CASD1: variants seen among roughly 807,000 people sequenced by gnomAD.
CASD1 encodes CAS1 domain sialic acid O acetyltransferase 1, also known as N-acetylneuraminate (7)9-O-acetyltransferase.
Under a neutral mutation model 100.0 loss-of-function variants are expected in CASD1, and 41 were observed. The ratio of observed to expected loss-of-function variants is 0.41; its 90% CI spans 0.32 to 0.53. The LOEUF (loss-of-function observed/expected upper bound fraction) is 0.53, where lower values mean the gene tolerates loss of function less well. Among genes scored for constraint, CASD1 ranks in the 20% least tolerant of loss-of-function variants. The pLI is 0.25. For synonymous variants in CASD1, 321 were observed against 315.6 expected (o/e 1.02, Z -0.18); for missense variants, 774 against 948.7 (o/e 0.82, Z 2.42).
chr7:94,545,761 T>C (rs3793325), intron 12 of CASD1, 60 bp downstream of exon 12: 658,866 of 1,128,768 alleles, frequency 0.58, 194,592 homozygotes, highest in East Asian at 0.73. Flanking sequence ...GAAATTTCTT[T>C]GTAGTTGCTA....
Position 94,554,585 on chromosome 7 carries a change from T to C in CASD1, c.2127+10T>C. The C allele has an allele frequency of 6.4e-7, 1 of 1,573,674 alleles. No homozygotes were observed. Among genetic ancestry groups the C allele is most frequent in the African/African-American group, 1.3e-5 (1 of 74,124 alleles). ...AAAAATTTCATTAGAGGTTGGTACA[T>C]TAATATTTTGCTTATCTTACACAGC... On this transcript the variant is annotated intron_variant, in intron 17 of 17. Coordinates refer to ENST00000297273, the MANE Select transcript of CASD1 (RefSeq NM_022900.5).
At chr7:94,586,984 A>G in the CASD1 span, 1 of 984,492 alleles carries the variant, frequency 1.0e-6, no homozygotes. Flanking sequence ...TATGATCCAA[A>G]TTGCAGAAAA....
the CASD1 span, chr7:94,590,791 TAAG>T: frequency 6.6e-6 from 1 of 152,204 alleles, no homozygotes; most frequent in Non-Finnish European, 1.5e-5. Flanking sequence ...ACAGCAATTC[TAAG>T]AAATCTGTAA....
chr7:94,533,156 A>G, intron 5 of CASD1, 49 bp from the exon 6 acceptor site: 1 of 1,327,662 alleles, frequency 7.5e-7, no homozygotes, highest in Non-Finnish European at 1.1e-6. Flanking sequence ...ACTTGTAGTA[A>G]TTCCCTGAAC....
chr7:94,545,584 A>G lies in CASD1; in HGVS notation c.1516A>G (p.Ile506Val), dbSNP rs1347101676. ...CAATTTCCTGGTAGTGGTGTTATGT[A>G]TAGTAATGGATCGACCTTATCAATT... ...RLNFLVVVLC[I>V]VMDRPYQFYY... The change falls in exon 12 of 18, where the codon ATA becomes GTA. Residue 506 changes from isoleucine to valine, a missense_variant. This residue lies in a region of CASD1 where 453 missense variants were observed against 532.6 expected (regional missense o/e 0.85). Coordinates refer to ENST00000297273, the MANE Select transcript of CASD1 (RefSeq NM_022900.5). The G allele has an allele frequency of 2.5e-6, 4 of 1,609,318 alleles. No homozygotes were observed. The Admixed American group carries it at 5.0e-5, about 20-fold the overall frequency.
intron 9 of CASD1, 29 bp from the exon 10 acceptor site, chr7:94,538,938 T>A: frequency 2.5e-6 from 3 of 1,220,100 alleles, no homozygotes; most frequent in Non-Finnish European, 3.5e-6. Context: ...ATGATAAATT[T>A]TAAAACAGAT....
At chr7:94,606,640 C>T in the CASD1 span, among the ~76,000 whole-genome samples, 1 of 152,154 alleles carries the variant, frequency 6.6e-6, no homozygotes, top group Non-Finnish European at 1.5e-5. Context: ...TTAATAGACA[C>T]TTAGAGACTA....
the CASD1 span, chr7:94,629,761 T>C: frequency 6.2e-7 from 1 of 1,611,508 alleles, no homozygotes; most frequent in Non-Finnish European, 8.5e-7. Context: ...AAATATTCTC[T>C]TTCCAAAACA....
intron 8 of CASD1, among the ~76,000 whole-genome samples, chr7:94,536,465 C>T (rs1450898507): frequency 2.0e-5 from 3 of 152,102 alleles, no homozygotes; most frequent in Admixed American, 2.0e-4. Context: ...GTTGCATAAG[C>T]CCTTTGAGTA....
intron 3 of CASD1, among the ~76,000 whole-genome samples, chr7:94,525,181 G>A (rs1310892728): frequency 6.6e-6 from 1 of 152,052 alleles, no homozygotes; most frequent in East Asian, 1.9e-4. Flanking sequence ...GTTAATGGTT[G>A]GTAAAAGGTT....
chr7:94,580,887 G>A, the CASD1 span, among the ~76,000 whole-genome samples: 1 of 152,188 alleles, frequency 6.6e-6, no homozygotes, highest in South Asian at 2.1e-4. Flanking sequence ...CCAAGGTGTT[G>A]CAAAGGATAC....
chr7:94,556,691 G>C lies in CASD1; in HGVS notation c.*933G>C, dbSNP rs1014565049. 6.6e-6 allele frequency: 1 copy of C among 151,984 alleles called. No individual in the cohort carries two copies. Among genetic ancestry groups the C allele is most frequent in the Admixed American group, 6.6e-5 (1 of 15,256 alleles). The allele number at this position is 151,984 out of a possible 1,614,324, so 9.4% of individuals were successfully genotyped here. A position where few individuals can be genotyped will look rare whatever the true frequency, so the allele number is the denominator to read the frequency against. ...CTTGTGCAGTGTAGTAAACATGCAA[G>C]TTGTTACGATTGAGCTGTATTACCA... On this transcript the variant is annotated 3_prime_UTR_variant, in exon 18 of 18. Coordinates refer to ENST00000297273, the MANE Select transcript of CASD1 (RefSeq NM_022900.5).
the CASD1 span, among the ~76,000 whole-genome samples, chr7:94,573,046 C>T: frequency 1.3e-5 from 2 of 151,384 alleles, no homozygotes; most frequent in African/African-American, 4.8e-5. Context: ...CATAGGGGTG[C>T]AGTCTTATAT....
intron 5 of CASD1, among the ~76,000 whole-genome samples, chr7:94,529,130 C>T (rs1192969477): frequency 6.6e-6 from 1 of 152,132 alleles, no homozygotes; most frequent in East Asian, 1.9e-4. Flanking sequence ...AAATTGAGGT[C>T]TACAGTGTGT....
chr7:94,537,735 A>G lies in CASD1; in HGVS notation c.1107A>G (p.Gln369=). ...TPVSSLEILL[Q]SFCKLGLIMA... The stretch of plus-strand genomic sequence containing the variant: ...TGTCTTCATTAGAAATACTTTTACA[A>G]TCTTTCTGCAAACTTGGCCTGATTA... Residue 369 remains glutamine (Q), a synonymous_variant, in exon 9 of 18, where the codon CAA becomes CAG. Transcript: ENST00000297273. 5 of 1,613,812 alleles carry G rather than the reference A, an allele frequency of 3.1e-6. No homozygotes were observed. The highest frequency in any genetic ancestry group is 3.4e-6 in the Non-Finnish European group (4 of 1,179,898).
chr7:94,548,752 G>A (rs1795804184), intron 13 of CASD1, among the ~76,000 whole-genome samples: 1 of 151,594 alleles, frequency 6.6e-6, no homozygotes, highest in Non-Finnish European at 1.5e-5. Flanking sequence ...GTAGCATTAG[G>A]TCTAGTAATG....
At chr7:94,517,525 A>T in intron 1 of CASD1, 35 bp from the exon 2 acceptor site, 1 of 1,341,298 alleles carries the variant, frequency 7.5e-7, no homozygotes, top group Non-Finnish European at 1.0e-6. Flanking sequence ...AATTTTAACT[A>T]TTGTTTACAA....
the CASD1 span, among the ~76,000 whole-genome samples, chr7:94,563,099 G>A: frequency 3.8e-3 from 572 of 152,218 alleles, 5 homozygotes; most frequent in African/African-American, 0.013. Context: ...CCTTTAGGGG[G>A]GTTCTGCTCT....
the CASD1 span, among the ~76,000 whole-genome samples, chr7:94,574,811 A>G: frequency 6.6e-6 from 1 of 152,130 alleles, no homozygotes; most frequent in Admixed American, 6.6e-5. Flanking sequence ...TCTACTAAAA[A>G]TACAAAAAAT....
Sources: allele counts gnomAD v4.1 joint callset (sites outside exome capture counted in the v4.1 genomes callset), GRCh38; gene constraint gnomAD v4.1.1; regional missense constraint gnomAD v4.1.1; transcripts MANE v1.5; gene names NCBI Gene and HGNC (gene_info 2026-07-23, HGNC 2026-07-21).